Variants in DCC observed in about 807,000 individuals in gnomAD.
DCC encodes the protein DCC netrin 1 receptor, also known as netrin receptor DCC.
Under a neutral mutation model 172.5 loss-of-function variants are expected in DCC, and 58 were observed. That is an observed-to-expected ratio of 0.34 (90% CI 0.27 to 0.42). The LOEUF (loss-of-function observed/expected upper bound fraction) is 0.42, where lower values mean the gene tolerates loss of function less well. Among genes scored for constraint, DCC ranks in the 10% least tolerant of loss-of-function variants. The pLI, the probability that DCC is intolerant of heterozygous loss-of-function variation, is 1.00. For synonymous variants in DCC, 709 were observed against 644.5 expected (o/e 1.10, Z -1.52); for missense variants, 1,740 against 1,791.0 (o/e 0.97, Z 0.51).
At chr18:52,706,698 A>T (rs1599034697) in intron 1 of DCC, among the ~76,000 whole-genome samples, 1 of 152,136 alleles carries the variant, frequency 6.6e-6, no homozygotes, top group African/African-American at 2.4e-5. Flanking sequence ...TGCACCCACC[A>T]CGACCAAGCA....
chr18:53,446,124 A>AAAAAAAAAAAC (rs369426007), intron 22 of DCC, among the ~76,000 whole-genome samples: 2,473 of 116,922 alleles, frequency 0.021, 461 homozygotes, highest in Non-Finnish European at 0.033. Flanking sequence ...ACAAAAAAAA[A>AAAAAAAAAAAC]CACTTAAAAA....
At chr18:52,547,015 G>A (rs1392243766) in intron 1 of DCC, among the ~76,000 whole-genome samples, 1 of 152,086 alleles carries the variant, frequency 6.6e-6, no homozygotes, top group Non-Finnish European at 1.5e-5. Flanking sequence ...CTGGAGTCAG[G>A]GGATTTGGTG....
chr18:53,062,987 C>A (rs1206368744), intron 5 of DCC, among the ~76,000 whole-genome samples: 2 of 151,978 alleles, frequency 1.3e-5, no homozygotes, highest in Non-Finnish European at 2.9e-5. Flanking sequence ...ATGTACTTTT[C>A]AGTGTGTAAG....
At chr18:53,079,591 T>C (rs1471894283) in intron 7 of DCC, among the ~76,000 whole-genome samples, 2 of 152,134 alleles carry the variant, frequency 1.3e-5, no homozygotes, top group East Asian at 3.8e-4. Context: ...ATAGGGAAGT[T>C]TGGCATAGAA....
At chr18:52,451,616 A>C (rs1988307476) in intron 1 of DCC, among the ~76,000 whole-genome samples, 1 of 152,144 alleles carries the variant, frequency 6.6e-6, no homozygotes, top group Non-Finnish European at 1.5e-5. Context: ...GTTTTATTTA[A>C]GCTCTTTTGG....
At chr18:52,539,763 A>G (rs186815316) in intron 1 of DCC, among the ~76,000 whole-genome samples, 2 of 152,344 alleles carry the variant, frequency 1.3e-5, no homozygotes, top group East Asian at 3.9e-4. Flanking sequence ...GTAGACTTTG[A>G]GTATTCTCAC....
intron 7 of DCC, among the ~76,000 whole-genome samples, chr18:53,110,552 G>GA (rs1321982269): frequency 6.6e-6 from 1 of 151,454 alleles, no homozygotes; most frequent in East Asian, 2.0e-4. Flanking sequence ...AAATTTACAA[G>GA]AAAAAAACAA....
chr18:52,741,779 C>G (rs894696302), intron 1 of DCC, among the ~76,000 whole-genome samples: 1 of 152,092 alleles, frequency 6.6e-6, no homozygotes, highest in Non-Finnish European at 1.5e-5. Flanking sequence ...GTGGGCTCGT[C>G]ACACCTGCCT....
Position 53,486,939 on chromosome 18 carries a change from C to A in DCC, c.3879C>A (p.Phe1293Leu). 1 of 1,614,144 alleles carries A rather than the reference C, an allele frequency of 6.2e-7. No individual in the cohort carries two copies. Among genetic ancestry groups the A allele is most frequent in the East Asian group, 2.2e-5 (1 of 44,876 alleles). ...PFPTLSVDRG[F>L]GAGRSQSVSE... ...CAACACTCTCAGTGGACCGAGGTTT[C>A]GGAGCAGGAAGAAGTCAGTGTAATG... The change falls in exon 26 of 29, where the codon TTC becomes TTA. Residue 1293 changes from phenylalanine (F) to leucine (L), a missense_variant. Phe to Leu is a conservative substitution (Grantham distance 22, BLOSUM62 0). Transcript: ENST00000442544.
At chr18:53,508,718 T>C (rs188223357) in intron 27 of DCC, among the ~76,000 whole-genome samples, 5 of 152,322 alleles carry the variant, frequency 3.3e-5, no homozygotes, top group Admixed American at 3.3e-4. Flanking sequence ...GCCTGATAAG[T>C]TGAGCCCAGT....
intron 1 of DCC, among the ~76,000 whole-genome samples, chr18:52,528,455 G>A (rs2032047970): frequency 6.6e-6 from 1 of 152,094 alleles, no homozygotes; most frequent in Non-Finnish European, 1.5e-5. Flanking sequence ...TTTTATACAA[G>A]AGTCTAGAAA....
At chr18:53,186,437 C>T (rs576154842) in intron 9 of DCC, among the ~76,000 whole-genome samples, 9 of 152,232 alleles carry the variant, frequency 5.9e-5, no homozygotes, top group South Asian at 2.1e-4. Flanking sequence ...GGGATATTGT[C>T]GTCATGCTGG....
At chr18:52,374,053 G>T (rs796759786) in intron 1 of DCC, among the ~76,000 whole-genome samples, 13 of 151,658 alleles carry the variant, frequency 8.6e-5, no homozygotes, top group African/African-American at 2.7e-4. Flanking sequence ...CACCACGCCT[G>T]GATTTTTTTT....
At chr18:53,444,517 A>G (rs926308852) in intron 22 of DCC, among the ~76,000 whole-genome samples, 10 of 152,178 alleles carry the variant, frequency 6.6e-5, no homozygotes, top group African/African-American at 2.2e-4. Context: ...AAAAGAAAAA[A>G]GAGAGATTGC....
intron 1 of DCC, among the ~76,000 whole-genome samples, chr18:52,679,246 T>C (rs1382327897): frequency 6.6e-6 from 1 of 152,076 alleles, no homozygotes; most frequent in Non-Finnish European, 1.5e-5. Flanking sequence ...CCTGTTATTA[T>C]TTTTAAAATT....
chr18:53,098,528 A>T (rs2043118749), intron 7 of DCC, among the ~76,000 whole-genome samples: 1 of 152,134 alleles, frequency 6.6e-6, no homozygotes, highest in Non-Finnish European at 1.5e-5. Context: ...GTGTTTCGTG[A>T]TGATTAGACC....
chr18:52,389,501 A>G (rs1372801916), intron 1 of DCC, among the ~76,000 whole-genome samples: 3 of 152,090 alleles, frequency 2.0e-5, no homozygotes, highest in African/African-American at 7.2e-5. Context: ...GCACAGGTCA[A>G]TAAAGATTTA....
chr18:52,594,694 G>A lies in DCC; in HGVS notation c.92-157360G>A, dbSNP rs530410189. Reference sequence around the variant, plus strand: ...GGCATCTGGTTCTGGGGAGGCCTCAGGAAGCTTTTACTCATGGCAGAAGAT... The same window carrying A: ...GGCATCTGGTTCTGGGGAGGCCTCAAGAAGCTTTTACTCATGGCAGAAGAT... On this transcript the variant is annotated intron_variant, in intron 1 of 28. Coordinates refer to ENST00000442544, the MANE Select transcript of DCC (RefSeq NM_005215.4). Among the ~76,000 whole-genome samples, 10 of 152,258 alleles carry A rather than the reference G, an allele frequency of 6.6e-5. No individual in the cohort carries two copies. The South Asian group carries it at 1.9e-3, about 28-fold the overall frequency.
In DCC at chr18:53,427,969, TATATA is replaced by T. The variant is rs1207269226; in HGVS notation, c.3164-7159_3164-7155del. On this transcript the variant is annotated intron_variant, in intron 21 of 28. Transcript: ENST00000442544. ...TATAATATATAATATAATAATATAATATATAATATAATATAATATATTATAATAAT... is the reference window on the plus strand; with the variant it reads ...TATAATATATAATATAATAATATAATATATAATATAATATATTATAATAAT... Among the ~76,000 whole-genome samples, 333 of 61,130 alleles carry T rather than the reference TATATA, an allele frequency of 5.4e-3. 55 individuals carry two copies. The highest frequency in any genetic ancestry group is 0.014 in the African/African-American group (267 of 19,412). 40.1% of individuals were successfully genotyped at this position (61,130 alleles called of 152,430 possible). A position where few individuals can be genotyped will look rare whatever the true frequency, so the allele number is the denominator to read the frequency against.
Sources: allele counts gnomAD v4.1 joint callset (sites outside exome capture counted in the v4.1 genomes callset), GRCh38; gene constraint gnomAD v4.1.1; transcripts MANE v1.5; gene names NCBI Gene and HGNC (gene_info 2026-07-23, HGNC 2026-07-21).